Variants in IQANK1 observed in about 807,000 individuals in gnomAD.
IQANK1 encodes the protein IQ motif and ankyrin repeat containing 1, also known as IQ motif and ankyrin repeat domain-containing protein 1.
A neutral mutation model predicts 22.6 loss-of-function variants in IQANK1; 30 were observed. The observed-to-expected ratio is 1.33, with a 90% CI of 0.99 to 1.80. The LOEUF (loss-of-function observed/expected upper bound fraction) is 1.80, where lower values mean the gene tolerates loss of function less well. Ranked by LOEUF, IQANK1 falls within the 40% of genes most tolerant of loss-of-function variation. IQANK1 has a pLI of 0.00. For missense variants in IQANK1, 275 were observed against 235.2 expected (o/e 1.17, Z -1.11); for synonymous variants, 122 against 99.6 (o/e 1.23, Z -1.34).
At position 143,739,917 on chromosome 8, in the gene IQANK1, C is replaced by G. The variant is rs1454941330; in HGVS notation, c.144C>G (p.Pro48=). The G allele has an allele frequency of 1.4e-6, 1 of 699,360 alleles. No homozygotes were observed. Among genetic ancestry groups the G allele is most frequent in the Non-Finnish European group, 2.6e-6 (1 of 383,536 alleles). The allele number at this position is 699,360 out of a possible 1,614,324, so 43.3% of individuals were successfully genotyped here. A position where few individuals can be genotyped will look rare whatever the true frequency, so the allele number is the denominator to read the frequency against. ...QRKAGWQARE[P]ASAESPQAPT... ...AAGCGGGCTGGCAGGCGAGGGAGCC[C>G]GCGTCGGCTGAGAGCCCACAGGCCC... The change falls in exon 3 of 14, where the codon CCC becomes CCG. Residue 48 remains proline (P), a synonymous_variant. Coordinates refer to ENST00000527139, the MANE Select transcript of IQANK1 (RefSeq NM_001381874.1).
chr8:143,759,967 G>A (rs1364212193), intron 3 of IQANK1, among the ~76,000 whole-genome samples: 1 of 152,150 alleles, frequency 6.6e-6, no homozygotes, highest in Non-Finnish European at 1.5e-5. Flanking sequence ...GGCAGGCTCT[G>A]CAGAACTCCC....
intron 7 of IQANK1, among the ~76,000 whole-genome samples, chr8:143,775,636 C>T (rs1255428350): frequency 6.6e-6 from 1 of 152,026 alleles, no homozygotes; most frequent in African/African-American, 2.4e-5. Context: ...GTGGTGGGCA[C>T]CTCTAATCCC....
At chr8:143,787,061 G>A (rs993054759) in intron 7 of IQANK1, among the ~76,000 whole-genome samples, 7 of 152,320 alleles carry the variant, frequency 4.6e-5, no homozygotes, top group Admixed American at 2.6e-4. Context: ...AAGCAGGATG[G>A]GGCACCAGGG....
At chr8:143,787,318 A>C (rs1275210358) in intron 7 of IQANK1, among the ~76,000 whole-genome samples, 2 of 152,170 alleles carry the variant, frequency 1.3e-5, no homozygotes. Context: ...GGCAGTCCTC[A>C]GGCCGTGGTT....
rs180800236 is a variant in IQANK1, at chr8:143,735,523, G to A, written c.-4-327G>A. On this transcript the variant is annotated intron_variant, in intron 1 of 13. Transcript: ENST00000527139. This position sits in a 1 kb window ranked among gnomAD's most constrained non-coding sequence, Gnocchi z 5.2. ...CAAAGACCGGCCCACTGGCAACCCA[G>A]CAGCTTGGGGCAGGGAGAAGAGTGC... 2.5e-3 allele frequency among the ~76,000 whole-genome samples: 381 copies of A among 152,264 alleles called. 2 individuals are homozygous for A. The highest frequency in any genetic ancestry group is 8.9e-3 in the African/African-American group (368 of 41,546).
intron 3 of IQANK1, among the ~76,000 whole-genome samples, chr8:143,764,792 AT>A (rs1375465524): frequency 2.0e-5 from 3 of 152,206 alleles, no homozygotes; most frequent in African/African-American, 7.2e-5. Context: ...TAAAAATAAA[AT>A]GTTAAATTTA....
At chr8:143,781,455 G>A (rs1554630926) in intron 7 of IQANK1, among the ~76,000 whole-genome samples, 1 of 152,126 alleles carries the variant, frequency 6.6e-6, no homozygotes, top group Non-Finnish European at 1.5e-5. Flanking sequence ...ATAGTTTTGA[G>A]TTTTACATTT....
At chr8:143,772,283 C>A (rs1024514481) in intron 6 of IQANK1, 40 bp downstream of exon 6, 18 of 397,932 alleles carry the variant, frequency 4.5e-5, no homozygotes, top group Non-Finnish European at 7.5e-5. Flanking sequence ...CTGAGGGGCG[C>A]GGTCCAGGGC....
chr8:143,749,602 T>TA (rs199670796), intron 3 of IQANK1, among the ~76,000 whole-genome samples: 1,990 of 137,242 alleles, frequency 0.014, 20 homozygotes, highest in African/African-American at 0.02. Flanking sequence ...TTTATTTATT[T>TA]TTTTTTTTTT....
At chr8:143,740,053 C>A in intron 3 of IQANK1, 105 bp downstream of exon 3, 1 of 574,966 alleles carries the variant, frequency 1.7e-6, no homozygotes, top group South Asian at 2.1e-5. Flanking sequence ...GCTTGCGTGT[C>A]ATGTACACAT....
At chr8:143,737,206 G>A (rs1047063094) in intron 2 of IQANK1, among the ~76,000 whole-genome samples, 2 of 152,016 alleles carry the variant, frequency 1.3e-5, no homozygotes, top group African/African-American at 2.4e-5. Context: ...TCCAATAAAC[G>A]GGGGGCAGGG....
intron 3 of IQANK1, among the ~76,000 whole-genome samples, chr8:143,750,604 G>A (rs1819170040): frequency 6.6e-6 from 1 of 152,156 alleles, no homozygotes; most frequent in Admixed American, 6.5e-5. Context: ...GGGAGGCTGA[G>A]ATGAGAGGGT....
Position 143,774,552 on chromosome 8 carries a change from G to C in IQANK1, c.789+2070G>C, listed in dbSNP as rs1340887527. Among the ~76,000 whole-genome samples, 3 of 152,170 alleles carry C rather than the reference G, an allele frequency of 2.0e-5. No individual in the cohort carries two copies. The highest frequency in any genetic ancestry group is 2.0e-4 in the Admixed American group (3 of 15,278). On this transcript the variant is annotated intron_variant, in intron 7 of 13. Transcript: ENST00000527139. The surrounding 1 kb of genome is among the most constrained non-coding windows in gnomAD (Gnocchi z 4.2). ...GAAGCTGGCCCTGCCACACCTTGCT[G>C]GGGGGACGCAGCACCAGTACAGCCG...
At chr8:143,744,637 C>T (rs782423241) in intron 3 of IQANK1, 1 of 152,142 alleles carries the variant, frequency 6.6e-6, no homozygotes, top group Non-Finnish European at 1.5e-5. Context: ...GAGATGGAAA[C>T]CACCACACCT....
At chr8:143,788,808 C>A in intron 7 of IQANK1, 107 bp from the exon 8 acceptor site, 1 of 398,000 alleles carries the variant, frequency 2.5e-6, no homozygotes, top group African/African-American at 2.1e-5. Context: ...GAGGCCCTTT[C>A]TGCATAATGG....
intron 3 of IQANK1, among the ~76,000 whole-genome samples, chr8:143,768,294 G>A (rs1412432175): frequency 6.6e-5 from 10 of 152,052 alleles, no homozygotes; most frequent in African/African-American, 2.2e-4. Flanking sequence ...CGCTTGTGAC[G>A]TTGCCCTCGA....
chr8:143,743,900 C>G (rs1290148875), intron 3 of IQANK1: 3 of 421,530 alleles, frequency 7.1e-6, no homozygotes, highest in African/African-American at 6.3e-5. Context: ...TGCACTGGGG[C>G]TTGGCTCACT....
intron 7 of IQANK1, among the ~76,000 whole-genome samples, chr8:143,775,933 T>G (rs1819673235): frequency 6.6e-6 from 1 of 151,872 alleles, no homozygotes; most frequent in African/African-American, 2.4e-5. Flanking sequence ...AATTAGTTAA[T>G]CTGAAGATAT....
At chr8:143,734,784 C>T (rs949369977) in intron 1 of IQANK1, among the ~76,000 whole-genome samples, 2 of 152,032 alleles carry the variant, frequency 1.3e-5, no homozygotes, top group Non-Finnish European at 2.9e-5. Context: ...CAAGCCCCAA[C>T]GGACAAGGGA....
Sources: allele counts gnomAD v4.1 joint callset (sites outside exome capture counted in the v4.1 genomes callset), GRCh38; gene constraint gnomAD v4.1.1; non-coding constraint Gnocchi (gnomAD v3.1); transcripts MANE v1.5; gene names NCBI Gene and HGNC (gene_info 2026-07-23, HGNC 2026-07-21).